The following RFX3 variants were observed in gnomAD, a reference collection of about 807,000 sequenced individuals.
RFX3 encodes the protein transcription factor RFX3.
RFX3 carries 14 observed loss-of-function variants against 98.6 expected under a neutral mutation model. That is an observed-to-expected ratio of 0.14 (90% CI 0.09 to 0.22). The LOEUF is 0.22. RFX3 is among the 10% of genes least tolerant of loss of function. The pLI is 1.00. For synonymous variants in RFX3, 383 were observed against 328.4 expected (o/e 1.17, Z -1.80); for missense variants, 639 against 926.9 (o/e 0.69, Z 4.03).
chr9:3,490,236 T>C (rs946490614), intron 1 of RFX3: 7 of 656,326 alleles, frequency 1.1e-5, no homozygotes, highest in African/African-American at 2.0e-5. Flanking sequence ...CTGTATTATG[T>C]ACACACAGTT....
chr9:3,234,748 T>C (rs550768316), intron 15 of RFX3, among the ~76,000 whole-genome samples: 1 of 152,294 alleles, frequency 6.6e-6, no homozygotes. Context: ...TGGACCACTG[T>C]TTGCTGACAC....
At chr9:3,387,934 T>A (rs887711919) in intron 2 of RFX3, among the ~76,000 whole-genome samples, 1 of 152,152 alleles carries the variant, frequency 6.6e-6, no homozygotes, top group African/African-American at 2.4e-5. Flanking sequence ...GAGTGCACTA[T>A]CTTGGGCATA....
intron 4 of RFX3, among the ~76,000 whole-genome samples, chr9:3,304,621 G>A (rs986244763): frequency 2.6e-5 from 4 of 151,444 alleles, no homozygotes; most frequent in African/African-American, 7.3e-5. Context: ...TTGTGGTAGT[G>A]AGTAAGTCTC....
chr9:3,287,919 G>A (rs562280016), intron 7 of RFX3, among the ~76,000 whole-genome samples: 8 of 151,972 alleles, frequency 5.3e-5, no homozygotes, highest in African/African-American at 1.7e-4. Flanking sequence ...ACTTAAAAGG[G>A]GCCAAACGGC....
rs754077544 is a variant in RFX3, at chr9:3,257,043, G to C, written c.1762C>G (p.Pro588Ala). Residue 588 changes from proline to alanine, a missense_variant, in exon 14 of 17, where the codon CCC (proline) becomes GCC (alanine). By Grantham distance (27) the Pro-to-Ala change is conservative. This residue lies in a region of RFX3 where 138 missense variants were observed against 308.9 expected (regional missense o/e 0.45). Transcript: ENST00000617270. Reference sequence around the variant, plus strand: ...TGCCTGGCGGCTTTAGGAAAACTGGGTCTTCCTTCATAGGGTTTCAGTGCT... The same window carrying C: ...TGCCTGGCGGCTTTAGGAAAACTGGCTCTTCCTTCATAGGGTTTCAGTGCT... ...MQALKPYEGR[P>A]SFPKAARQFL... 3 of 1,613,914 alleles carry C rather than the reference G, an allele frequency of 1.9e-6. No homozygotes were observed. Among genetic ancestry groups the C allele is most frequent in the Middle Eastern group, 1.6e-4 (1 of 6,082 alleles).
intron 1 of RFX3, among the ~76,000 whole-genome samples, chr9:3,422,435 C>T (rs1843532694): frequency 6.6e-6 from 1 of 152,194 alleles, no homozygotes; most frequent in East Asian, 1.9e-4. Flanking sequence ...GGCTATTCCA[C>T]CCTGGCATGG....
chr9:3,461,252 C>T (rs71506645), intron 1 of RFX3, among the ~76,000 whole-genome samples: 26,132 of 151,710 alleles, frequency 0.17, 3,456 homozygotes, highest in African/African-American at 0.37. Flanking sequence ...TTCATGTTTG[C>T]CACCCAATAA....
chr9:3,454,673 C>A (rs1396212210), intron 1 of RFX3, among the ~76,000 whole-genome samples: 1 of 152,122 alleles, frequency 6.6e-6, no homozygotes, highest in African/African-American at 2.4e-5. Context: ...AGACTAGGAA[C>A]CACTGAAAAA....
At chr9:3,424,599 C>G (rs866808287) in intron 1 of RFX3, among the ~76,000 whole-genome samples, 1 of 150,372 alleles carries the variant, frequency 6.7e-6, no homozygotes, top group Non-Finnish European at 1.5e-5. Flanking sequence ...TGACCTCGTG[C>G]TCCGCCCGCC....
chr9:3,353,439 G>A (rs751492028), intron 2 of RFX3, among the ~76,000 whole-genome samples: 6 of 152,008 alleles, frequency 3.9e-5, no homozygotes, highest in Admixed American at 2.6e-4. Flanking sequence ...TAGAGAAAAC[G>A]ACAGCAACAG....
At chr9:3,312,952 A>G (rs1452499021) in intron 4 of RFX3, among the ~76,000 whole-genome samples, 1 of 152,206 alleles carries the variant, frequency 6.6e-6, no homozygotes, top group Non-Finnish European at 1.5e-5. Context: ...GGCATAGCTG[A>G]ACAAAAGGCA....
chr9:3,275,815 C>T (rs1825132816), intron 8 of RFX3, among the ~76,000 whole-genome samples: 2 of 152,038 alleles, frequency 1.3e-5, no homozygotes, highest in South Asian at 2.1e-4. Flanking sequence ...AGGGAACATT[C>T]TTAAGAATTT....
chr9:3,497,567 C>G (rs1362964136), intron 1 of RFX3, among the ~76,000 whole-genome samples: 1 of 151,800 alleles, frequency 6.6e-6, no homozygotes, highest in Non-Finnish European at 1.5e-5. Context: ...ATGCCTCATA[C>G]TAGTAGGAAC....
At chr9:3,430,816 A>G (rs1343589777) in intron 1 of RFX3, among the ~76,000 whole-genome samples, 1 of 152,178 alleles carries the variant, frequency 6.6e-6, no homozygotes, top group Non-Finnish European at 1.5e-5. Context: ...CACATAAAGA[A>G]TGAGTCCCCC....
chr9:3,283,576 CCT>C (rs1373064609), intron 7 of RFX3, among the ~76,000 whole-genome samples: 1 of 151,600 alleles, frequency 6.6e-6, no homozygotes, highest in Non-Finnish European at 1.5e-5. Context: ...TCTTAAATTT[CCT>C]CTCTCACTTC....
Position 3,376,290 on chromosome 9 carries a change from G to T in RFX3, c.117+19182C>A, listed in dbSNP as rs973169922. Among the ~76,000 whole-genome samples, 9 of 152,176 alleles carry T rather than the reference G, an allele frequency of 5.9e-5. No individual in the cohort carries two copies. In the South Asian group the frequency reaches 1.9e-3, roughly 32 times the overall value. On this transcript the variant is annotated intron_variant, in intron 2 of 16. Coordinates refer to ENST00000617270, the MANE Select transcript of RFX3 (RefSeq NM_001282116.2). ...AAATATTTTGGCAGTTTCTTATACG[G>T]TTCAACAAACAATTAACCATGGGAC...
At chr9:3,504,299 T>C (rs1291533406) in intron 1 of RFX3, among the ~76,000 whole-genome samples, 2 of 136,822 alleles carry the variant, frequency 1.5e-5, no homozygotes, top group Admixed American at 1.6e-4. Context: ...ATATATATTA[T>C]ATACCACATA....
intron 2 of RFX3, among the ~76,000 whole-genome samples, chr9:3,384,032 A>T (rs1368636171): frequency 6.6e-6 from 1 of 152,060 alleles, no homozygotes; most frequent in Admixed American, 6.6e-5. Flanking sequence ...TTTTTTGATG[A>T]CCGATTCATT....
intron 1 of RFX3, among the ~76,000 whole-genome samples, chr9:3,462,404 A>C (rs1847778786): frequency 6.6e-6 from 1 of 152,050 alleles, no homozygotes; most frequent in Admixed American, 6.5e-5. Context: ...CCTCAGCCTA[A>C]TAAAAGGCAT....
Sources: allele counts gnomAD v4.1 joint callset (sites outside exome capture counted in the v4.1 genomes callset), GRCh38; gene constraint gnomAD v4.1.1; regional missense constraint gnomAD v4.1.1; transcripts MANE v1.5; gene names NCBI Gene and HGNC (gene_info 2026-07-23, HGNC 2026-07-21).